ART3: variants seen among roughly 807,000 people sequenced by gnomAD.
ART3 encodes ADP-ribosyltransferase 3 (inactive).
ART3 carries 49 observed loss-of-function variants against 48.5 expected under a neutral mutation model. The observed-to-expected ratio is 1.01, with a 90% CI of 0.80 to 1.28. The LOEUF (loss-of-function observed/expected upper bound fraction) is 1.28. ART3 is among the 50% of genes most tolerant of loss of function. ART3 has a pLI of 0.00. For missense variants in ART3, 438 were observed against 454.3 expected, an observed-to-expected ratio of 0.96 and a Z score of 0.33; for synonymous variants, 145 against 157.2, an observed-to-expected ratio of 0.92 and a Z score of 0.58.
intron 1 of ART3, among the ~76,000 whole-genome samples, chr4:76,013,073 T>C (rs1345623816): frequency 6.6e-6 from 1 of 152,168 alleles, no homozygotes; most frequent in Non-Finnish European, 1.5e-5. Flanking sequence ...TTAACACTTA[T>C]TATAGAAGAA....
chr4:76,012,678 G>A (rs1236509260), intron 1 of ART3, among the ~76,000 whole-genome samples: 3 of 152,144 alleles, frequency 2.0e-5, no homozygotes, highest in Admixed American at 6.5e-5. Flanking sequence ...AGCATGTTAA[G>A]GACATGATGT....
chr4:76,087,924 A>G (rs1435318206), intron 3 of ART3, among the ~76,000 whole-genome samples: 1 of 152,186 alleles, frequency 6.6e-6, no homozygotes, highest in Non-Finnish European at 1.5e-5. Context: ...TACATCCATT[A>G]TCATTAAAAA....
chr4:76,102,593 G>C (rs918746138), intron 8 of ART3, among the ~76,000 whole-genome samples: 2 of 146,232 alleles, frequency 1.4e-5, no homozygotes, highest in African/African-American at 4.9e-5. Flanking sequence ...ACCATCTAAA[G>C]ATAGAAGAAA....
At chr4:76,073,367 T>G (rs1043316805), upstream of ART3, among the ~76,000 whole-genome samples, 1 of 152,192 alleles carries the variant, frequency 6.6e-6, no homozygotes, top group Admixed American at 6.5e-5. Context: ...CTTTCTTTTT[T>G]CTTTCTAACC....
intron 1 of ART3, chr4:76,011,377 C>T (rs1429997739): frequency 6.5e-6 from 1 of 152,700 alleles, no homozygotes; most frequent in Non-Finnish European, 1.5e-5. Flanking sequence ...CCCGCAGCCT[C>T]CCCAGCCGAG....
rs539405250 is a variant in ART3, at chr4:76,051,984, C to T, written c.-9-23897C>T. Among the ~76,000 whole-genome samples the T allele has an allele frequency of 1.9e-3, 275 of 148,294 alleles. 1 individual carries two copies. Among genetic ancestry groups the T allele is most frequent in the Admixed American group, 5.2e-3 (76 of 14,580 alleles). ...AGTGCAATGGCGCAATCTCAGCTCA[C>T]TGCAACCTCCGCCCCTGAGTTCAAG... On this transcript the variant is annotated intron_variant, in intron 1 of 9. Transcript: ENST00000341029.
At chr4:76,085,448 T>A (rs1324849571) in intron 3 of ART3, among the ~76,000 whole-genome samples, 1 of 152,140 alleles carries the variant, frequency 6.6e-6, no homozygotes, top group Non-Finnish European at 1.5e-5. Flanking sequence ...AAGTCCTCAC[T>A]CTTAGGGCTG....
intron 1 of ART3, chr4:76,036,057 T>C (rs377638073): frequency 2.1e-6 from 3 of 1,421,590 alleles, no homozygotes; most frequent in African/African-American, 1.4e-5. Flanking sequence ...TTGGAAGGAG[T>C]AGAAATGCTG....
At chr4:76,022,349 G>C in intron 1 of ART3, 2 of 1,605,756 alleles carry the variant, frequency 1.2e-6, no homozygotes, top group Non-Finnish European at 8.5e-7. Flanking sequence ...TTCTTCTGCA[G>C]GCAACAGCAA....
chr4:76,072,015 CAA>C (rs1720367661), upstream of ART3, among the ~76,000 whole-genome samples: 1 of 152,160 alleles, frequency 6.6e-6, no homozygotes, highest in Non-Finnish European at 1.5e-5. Context: ...CTCCTGGGCT[CAA>C]GAGATCTTCC....
At chr4:76,081,090 G>T (rs551112178) in intron 2 of ART3, among the ~76,000 whole-genome samples, 2 of 152,324 alleles carry the variant, frequency 1.3e-5, no homozygotes, top group South Asian at 4.1e-4. Flanking sequence ...AACTGGTGAA[G>T]AGTACAGTTA....
intron 1 of ART3, among the ~76,000 whole-genome samples, chr4:76,020,902 G>A (rs77487554): frequency 0.013 from 2,025 of 152,220 alleles, 40 homozygotes; most frequent in African/African-American, 0.045. Flanking sequence ...ATAGGGATTT[G>A]GAGATTAGGC....
At chr4:76,034,064 A>C (rs537731320) in intron 1 of ART3, 47 of 171,012 alleles carry the variant, frequency 2.7e-4, no homozygotes, top group African/African-American at 1.1e-3. Flanking sequence ...TTGGTTATGA[A>C]ATATGTGCAC....
At chr4:76,103,824 C>T in intron 8 of ART3, 113 bp from the exon 9 acceptor site, 1 of 941,554 alleles carries the variant, frequency 1.1e-6, no homozygotes, top group Non-Finnish European at 1.6e-6. Flanking sequence ...TTTCTTTCCC[C>T]CTGCCTTTTT....
At chr4:76,051,445 A>G (rs1157394652) in intron 1 of ART3, among the ~76,000 whole-genome samples, 1 of 152,170 alleles carries the variant, frequency 6.6e-6, no homozygotes, top group African/African-American at 2.4e-5. Flanking sequence ...TTTTTCATCA[A>G]AACTTGGAGT....
intron 9 of ART3, 105 bp downstream of exon 9, chr4:76,104,074 C>T: frequency 8.0e-7 from 1 of 1,246,902 alleles, no homozygotes; most frequent in Non-Finnish European, 1.2e-6. Context: ...TGAATATTTC[C>T]CTTATAGCTA....
chr4:76,091,553 C>T (rs1047772691), intron 3 of ART3, among the ~76,000 whole-genome samples: 6 of 152,084 alleles, frequency 3.9e-5, no homozygotes, highest in South Asian at 2.1e-4. Flanking sequence ...AACACCTGCT[C>T]AAAGATTTTT....
At chr4:76,033,541 A>C (rs753903199) in intron 1 of ART3, 7 of 152,204 alleles carry the variant, frequency 4.6e-5, no homozygotes, top group Non-Finnish European at 8.8e-5. Flanking sequence ...CAAGGCCGAC[A>C]AAAGAAACAA....
intron 10 of ART3, chr4:76,106,083 C>T (rs10006482): frequency 1.0e-6 from 1 of 984,848 alleles, no homozygotes; most frequent in South Asian, 4.7e-5. Flanking sequence ...TAATCCAATA[C>T]GATAAATATT....
Sources: gnomAD v4.1 joint callset for allele counts (sites outside exome capture counted in the v4.1 genomes callset) on GRCh38, gnomAD v4.1.1 for gene constraint, MANE v1.5 for transcripts, NCBI Gene and HGNC (gene_info 2026-07-23, HGNC 2026-07-21) for gene names.